CNIH1: variants seen among roughly 807,000 people sequenced by gnomAD.
CNIH1 encodes the protein protein cornichon homolog 1.
CNIH1 carries 12 observed loss-of-function variants against 20.2 expected under a neutral mutation model. That is an observed-to-expected ratio of 0.59 (90% CI 0.38 to 0.96). The LOEUF (loss-of-function observed/expected upper bound fraction) is 0.96, where lower values mean the gene tolerates loss of function less well. Ranked by LOEUF, CNIH1 falls within the 40% of genes least tolerant of loss-of-function variation. The probability of loss-of-function intolerance (pLI) is 0.00; values close to 1 mark genes in which losing one functional copy is unlikely to be tolerated. For synonymous variants in CNIH1, 69 were observed against 63.3 expected, an observed-to-expected ratio of 1.09 and a Z score of -0.43; for missense variants, 152 against 178.8, an observed-to-expected ratio of 0.85 and a Z score of 0.85.
intron 1 of CNIH1, among the ~76,000 whole-genome samples, chr14:54,437,158 A>C (rs1445258655): frequency 6.6e-6 from 1 of 152,214 alleles, no homozygotes; most frequent in Non-Finnish European, 1.5e-5. Flanking sequence ...TAGAATGTAC[A>C]TTAAGAGTCA....
At position 54,436,456 on chromosome 14, in the gene CNIH1, A is replaced by T; in HGVS notation, c.82-19T>A. ...CTATAATCTAAAATAAAATTAAAAC[A>T]GTTAGGACCACTCACTTTAATTAAA... On this transcript the variant is annotated intron_variant, in intron 1 of 4. Transcript: ENST00000216416. 1 of 1,323,824 alleles carries T rather than the reference A, an allele frequency of 7.6e-7. No homozygotes were observed. The highest frequency in any genetic ancestry group is 1.1e-6 in the Non-Finnish European group (1 of 926,324). 82.0% of individuals were successfully genotyped at this position (1,323,824 alleles called of 1,614,324 possible). A position where few individuals can be genotyped will look rare whatever the true frequency, so the allele number is the denominator to read the frequency against.
chr14:54,430,728 G>A (rs1308995195), intron 3 of CNIH1, among the ~76,000 whole-genome samples: 1 of 152,168 alleles, frequency 6.6e-6, no homozygotes. Context: ...AAAGATACAA[G>A]AACCTTTCAC....
intron 1 of CNIH1, 136 bp downstream of exon 1, chr14:54,441,111 C>G (rs975423518): frequency 1.1e-6 from 1 of 949,042 alleles, no homozygotes; most frequent in East Asian, 4.5e-5. Flanking sequence ...GACCCCTCGC[C>G]GCGCGGCCCG....
Position 54,427,686 on chromosome 14 carries a change from G to A in CNIH1, c.*128C>T, listed in dbSNP as rs2030852819. The A allele has an allele frequency of 1.1e-6, 1 of 893,698 alleles. No individual in the cohort carries two copies. Among genetic ancestry groups the A allele is most frequent in the Admixed American group, 2.3e-5 (1 of 43,482 alleles). The allele number at this position is 893,698 out of a possible 1,614,324, so 55.4% of individuals were successfully genotyped here. On this transcript the variant is annotated 3_prime_UTR_variant, in exon 5 of 5. Coordinates refer to ENST00000216416, the MANE Select transcript of CNIH1 (RefSeq NM_005776.3). ...AATGTGGAAACATTTAAAAAATAAG[G>A]AGTCATTTTTTAAAGTAACTGATCA...
chr14:54,430,092 G>C, intron 4 of CNIH1, 169 bp downstream of exon 4: 3 of 637,284 alleles, frequency 4.7e-6, no homozygotes, highest in East Asian at 2.9e-5. Context: ...GCCTTGACAA[G>C]CACCAGTGTG....
In CNIH1 at chr14:54,431,024, C is replaced by T. The variant is rs182055843; in HGVS notation, c.264-620G>A. Among the ~76,000 whole-genome samples, 58 of 152,082 alleles carry T rather than the reference C, an allele frequency of 3.8e-4. 1 individual carries two copies. In the East Asian group the frequency reaches 6.8e-3, roughly 18 times the overall value. ...TTTTTTTTGTAGAGGGGGGTTTTGCCACGTTGCCCAGTCTGTTCTCCAACT... is the reference window on the plus strand; with the variant it reads ...TTTTTTTTGTAGAGGGGGGTTTTGCTACGTTGCCCAGTCTGTTCTCCAACT... On this transcript the variant is annotated intron_variant, in intron 3 of 4. Transcript: ENST00000216416.
intron 1 of CNIH1, among the ~76,000 whole-genome samples, chr14:54,439,042 T>A (rs1269842720): frequency 6.6e-6 from 1 of 152,226 alleles, no homozygotes; most frequent in African/African-American, 2.4e-5. Context: ...GTCAGCAGAA[T>A]CCTGAGGTAA....
rs1324062536 is a variant in CNIH1, at chr14:54,430,424, T to C, written c.264-20A>G. On this transcript the variant is annotated intron_variant, in intron 3 of 4. Transcript: ENST00000216416. ...ATATACCTGGAATAAACACAGTCTA[T>C]TAGGCATTCAGAAAGGGCAGTAAAT... is the stretch of plus-strand genomic sequence containing the variant. 1.3e-6 allele frequency: 2 copies of C among 1,591,782 alleles called. No individual in the cohort carries two copies. Among genetic ancestry groups the C allele is most frequent in the Non-Finnish European group, 1.7e-6 (2 of 1,168,276 alleles).
At position 54,427,852 on chromosome 14, in the gene CNIH1, G is replaced by GA. The variant is rs776193445; in HGVS notation, c.408-12dup. On this transcript the variant is annotated splice_polypyrimidine_tract_variant and intron_variant, in intron 4 of 4. Transcript: ENST00000216416. ...AAAACATAGATCATGCTGAAAAGAA[G>GA]AAAAAAGATGTTAATTTGAACATTA... The GA allele has an allele frequency of 5.6e-6, 9 of 1,611,894 alleles. No homozygotes were observed. In the African/African-American group the frequency reaches 9.4e-5, roughly 17 times the overall value.
At chr14:54,428,806 G>T (rs1355798900) in intron 4 of CNIH1, among the ~76,000 whole-genome samples, 1 of 152,110 alleles carries the variant, frequency 6.6e-6, no homozygotes, top group Non-Finnish European at 1.5e-5. Context: ...TGCACTAAAG[G>T]ATACTCATTT....
chr14:54,432,133 G>T lies in CNIH1; in HGVS notation c.238C>A (p.Pro80Thr). Residue 80 changes from proline (P) to threonine (T), a missense_variant, in exon 3 of 5, where the codon CCC (proline) becomes ACC (threonine). Physicochemically the swap from Pro to Thr is conservative, Grantham distance 38. Around this residue, in one of 3 missense-constraint regions of CNIH1, gnomAD observed 97 missense variants for 100.6 expected, o/e 0.96. Transcript: ENST00000216416. ...AEWLTLGLNMPLLAYHIWRYM... is the reference protein window; with the variant it reads ...AEWLTLGLNMTLLAYHIWRYM... ...CTCCAAATATGATATGCCAAGAGGG[G>T]CATATTGAGACCCAGTGTAAGCCAC... 1 of 1,550,626 alleles carries T rather than the reference G, an allele frequency of 6.4e-7. No homozygotes were observed.
chr14:54,424,907 G>T lies in CNIH1; in HGVS notation c.*2907C>A, dbSNP rs2030796204. 1 of 152,162 alleles carries T rather than the reference G, an allele frequency of 6.6e-6. No individual in the cohort carries two copies. Among genetic ancestry groups the T allele is most frequent in the Non-Finnish European group, 1.5e-5 (1 of 68,030 alleles). 9.4% of individuals were successfully genotyped at this position (152,162 alleles called of 1,614,324 possible). On this transcript the variant is annotated 3_prime_UTR_variant, in exon 5 of 5. Transcript: ENST00000216416. ...TTACTTATACTCGATCCATACTCAA[G>T]TCAAAAGTGGATGGTCTTGGTCATT...
At chr14:54,436,001 G>T in intron 2 of CNIH1, 1 of 686,906 alleles carries the variant, frequency 1.5e-6, no homozygotes, top group East Asian at 2.7e-5. Context: ...TGAACAAAAC[G>T]TTACAAATAC....
At position 54,426,326 on chromosome 14, in the gene CNIH1, A is replaced by C. The variant is rs1566714904; in HGVS notation, c.*1488T>G. ...CCAACCATGGGAAAGCACTGAAATA[A>C]AGCACTTTTCACTTAGTAGAGAATA... On this transcript the variant is annotated 3_prime_UTR_variant, in exon 5 of 5. Coordinates refer to ENST00000216416, the MANE Select transcript of CNIH1 (RefSeq NM_005776.3). 2 of 152,210 alleles carry C rather than the reference A, an allele frequency of 1.3e-5. No homozygotes were observed. The highest frequency in any genetic ancestry group is 2.9e-5 in the Non-Finnish European group (2 of 68,024). 9.4% of individuals were successfully genotyped at this position (152,210 alleles called of 1,614,324 possible). A position where few individuals can be genotyped will look rare whatever the true frequency, so the allele number is the denominator to read the frequency against.
chr14:54,433,398 A>T lies in CNIH1; in HGVS notation c.151-1178T>A, dbSNP rs530106672. Among the ~76,000 whole-genome samples the T allele has an allele frequency of 2.3e-3, 347 of 151,834 alleles. 1 individual carries two copies. The highest frequency in any genetic ancestry group is 7.7e-3 in the African/African-American group (317 of 41,364). On this transcript the variant is annotated intron_variant, in intron 2 of 4. Transcript: ENST00000216416. ...GGACTTTCTAATGAATACTATTTTT[A>T]AAAAAAATCCAGGTAAACAACTCAT...
rs1038262236 is a variant in CNIH1, at chr14:54,432,096, T to C, written c.263+12A>G. ...AATTTAAAAAAATATTAAAAGTGTA[T>C]CTAAATATTACCTCCAAATATGATA... is the stretch of plus-strand genomic sequence containing the variant. On this transcript the variant is annotated intron_variant, in intron 3 of 4. Transcript: ENST00000216416. The C allele has an allele frequency of 5.2e-6, 7 of 1,343,256 alleles. No individual in the cohort carries two copies. The highest frequency in any genetic ancestry group is 2.9e-5 in the Admixed American group (1 of 34,300). 83.2% of individuals were successfully genotyped at this position (1,343,256 alleles called of 1,614,324 possible).
At chr14:54,440,240 TGAACGCGGTCA>T in intron 1 of CNIH1, among the ~76,000 whole-genome samples, 1 of 152,222 alleles carries the variant, frequency 6.6e-6, no homozygotes, top group South Asian at 2.1e-4. Flanking sequence ...TACGTAAGAG[TGAACGCGGTCA>T]TTCAAATTAA....
chr14:54,438,891 C>A (rs1226116471), intron 1 of CNIH1, among the ~76,000 whole-genome samples: 1 of 152,042 alleles, frequency 6.6e-6, no homozygotes, highest in Non-Finnish European at 1.5e-5. Flanking sequence ...CCATTAGGAC[C>A]CAAGAGAACT....
At chr14:54,439,232 T>C (rs191078558) in intron 1 of CNIH1, among the ~76,000 whole-genome samples, 100 of 152,296 alleles carry the variant, frequency 6.6e-4, no homozygotes, top group African/African-American at 2.4e-3. Flanking sequence ...GGATACTAAT[T>C]CTCTGAATGA....
Sources: allele counts gnomAD v4.1 joint callset (sites outside exome capture counted in the v4.1 genomes callset), GRCh38; gene constraint gnomAD v4.1.1; regional missense constraint gnomAD v4.1.1; transcripts MANE v1.5; gene names NCBI Gene and HGNC (gene_info 2026-07-23, HGNC 2026-07-21).